The following CRACR2A variants were observed in gnomAD, a reference collection of about 807,000 sequenced individuals.
CRACR2A encodes the protein EF-hand calcium-binding domain-containing protein 4B.
In CRACR2A, 79 loss-of-function variants were observed where a neutral mutation model predicts 90.5. The observed-to-expected ratio is 0.87, with a 90% CI of 0.73 to 1.05. The LOEUF (loss-of-function observed/expected upper bound fraction) is 1.05, where lower values mean the gene tolerates loss of function less well. Among genes scored for constraint, CRACR2A ranks in the 50% least tolerant of loss-of-function variants. The probability of loss-of-function intolerance (pLI) is 0.00; values close to 1 mark genes in which losing one functional copy is unlikely to be tolerated. For synonymous variants in CRACR2A, 338 were observed against 356.7 expected (o/e 0.95, Z 0.59); for missense variants, 823 against 897.2 (o/e 0.92, Z 1.06).
intron 4 of CRACR2A, among the ~76,000 whole-genome samples, chr12:3,695,240 C>T (rs142985021): frequency 2.6e-5 from 4 of 152,172 alleles, no homozygotes; most frequent in Admixed American, 6.5e-5. Flanking sequence ...CACCAACCAC[C>T]GCTACTGCAG....
At chr12:3,738,629 A>ATTCT in intron 1 of CRACR2A, among the ~76,000 whole-genome samples, 1 of 152,312 alleles carries the variant, frequency 6.6e-6, no homozygotes, top group East Asian at 1.9e-4. Flanking sequence ...ATGAAAGAGA[A>ATTCT]CTTAAGAGAC....
intron 1 of CRACR2A, among the ~76,000 whole-genome samples, chr12:3,734,948 T>C (rs1456233939): frequency 6.6e-6 from 1 of 152,174 alleles, no homozygotes; most frequent in African/African-American, 2.4e-5. Context: ...AGAGATCTAA[T>C]GTACAGCATG....
chr12:3,735,113 C>A (rs911973120), intron 1 of CRACR2A, among the ~76,000 whole-genome samples: 1 of 152,086 alleles, frequency 6.6e-6, no homozygotes, highest in Admixed American at 6.5e-5. Flanking sequence ...TGTTAACCAA[C>A]TTGATTGGGC....
intron 1 of CRACR2A, among the ~76,000 whole-genome samples, chr12:3,750,025 C>T (rs992663897): frequency 6.6e-6 from 1 of 151,908 alleles, no homozygotes; most frequent in Non-Finnish European, 1.5e-5. Flanking sequence ...CAAACACCGC[C>T]TCCCGGGTTC....
At chr12:3,631,170 G>A (rs967827166) in intron 15 of CRACR2A, among the ~76,000 whole-genome samples, 1 of 152,288 alleles carries the variant, frequency 6.6e-6, no homozygotes, top group South Asian at 2.1e-4. Context: ...GCTGCTGCTC[G>A]AGCATGTGTG....
intron 17 of CRACR2A, among the ~76,000 whole-genome samples, chr12:3,622,819 C>T (rs1011013234): frequency 6.6e-6 from 1 of 152,096 alleles, no homozygotes; most frequent in African/African-American, 2.4e-5. Context: ...CATATTTATC[C>T]ATCCCCTGGA....
intron 14 of CRACR2A, among the ~76,000 whole-genome samples, chr12:3,637,591 G>T (rs1336965870): frequency 5.9e-5 from 9 of 151,732 alleles, no homozygotes; most frequent in Admixed American, 5.9e-4. Context: ...TCCTTATTTG[G>T]AAAGGGGACT....
chr12:3,668,949 C>T (rs1299630416), intron 7 of CRACR2A, among the ~76,000 whole-genome samples: 1 of 152,218 alleles, frequency 6.6e-6, no homozygotes, highest in East Asian at 1.9e-4. Context: ...CTAAGCTTGT[C>T]AAGGCCGATG....
intron 7 of CRACR2A, among the ~76,000 whole-genome samples, chr12:3,671,630 C>T (rs922258004): frequency 2.6e-5 from 4 of 152,230 alleles, no homozygotes; most frequent in Admixed American, 2.0e-4. Context: ...ACACTTTCAA[C>T]AGCAAGTCTC....
chr12:3,629,011 C>A (rs1025153755), intron 15 of CRACR2A, among the ~76,000 whole-genome samples: 1 of 152,140 alleles, frequency 6.6e-6, no homozygotes, highest in Non-Finnish European at 1.5e-5. Flanking sequence ...GGAGTGCAAT[C>A]GTCTGCGCTG....
chr12:3,703,362 G>A (rs1945863768), intron 3 of CRACR2A, among the ~76,000 whole-genome samples: 1 of 152,162 alleles, frequency 6.6e-6, no homozygotes, highest in East Asian at 1.9e-4. Context: ...TGGGATTACA[G>A]GCATGAGCCA....
chr12:3,704,990 G>A (rs1207413404), intron 3 of CRACR2A, among the ~76,000 whole-genome samples: 1 of 152,212 alleles, frequency 6.6e-6, no homozygotes, highest in Non-Finnish European at 1.5e-5. Flanking sequence ...CAAATAAAGT[G>A]GAAGCCCTGC....
In CRACR2A at chr12:3,627,653, G is replaced by GGGC; in HGVS notation, c.1788_1789insGCC (p.Leu596_Gln597insAla). 2.6e-6 allele frequency: 4 copies of GGGC among 1,551,794 alleles called. No individual in the cohort carries two copies. In the South Asian group the frequency reaches 4.8e-5, roughly 18 times the overall value. ...TCCTGCCCAGCCGTGTCCCACAGCT[G>GGGC]CAGGGCCACCTGAGAGTTGTCCACA... On this transcript the variant is annotated inframe_insertion, in exon 16 of 20. Transcript: ENST00000440314.
At chr12:3,722,939 C>T (rs898041562) in intron 2 of CRACR2A, among the ~76,000 whole-genome samples, 1 of 152,240 alleles carries the variant, frequency 6.6e-6, no homozygotes, top group Non-Finnish European at 1.5e-5. Context: ...TCCTTACCCT[C>T]TCTGAGCCTC....
At chr12:3,696,696 A>T in intron 4 of CRACR2A, 76 bp downstream of exon 4, 1 of 1,595,058 alleles carries the variant, frequency 6.3e-7, no homozygotes, top group Non-Finnish European at 8.6e-7. Context: ...GTCACCTCCC[A>T]CGGGGCAAGC....
chr12:3,619,311 TC>T lies in CRACR2A; in HGVS notation c.1993del (p.Glu665SerfsTer18). The T allele has an allele frequency of 6.4e-7, 1 of 1,551,642 alleles. No individual in the cohort carries two copies. The highest frequency in any genetic ancestry group is 8.7e-7 in the Non-Finnish European group (1 of 1,146,984). On this transcript the variant is annotated frameshift_variant, in exon 18 of 20. Transcript: ENST00000440314. LOFTEE classifies it high-confidence loss of function. The stretch of plus-strand genomic sequence containing the variant: ...TCCGAGGCCCCGGGGGACTTCCCGC[TC>T]CTTCTCGTTGTCAAGCTTATTACCC... ...LLGNKLDNEK[E>X]REVPRGLGEQ...
intron 13 of CRACR2A, chr12:3,640,640 AAG>A: frequency 7.7e-7 from 1 of 1,305,356 alleles, no homozygotes. Flanking sequence ...ATCAGGCCCA[AAG>A]GTTTTACTGA....
chr12:3,722,793 T>C (rs1340626364), intron 2 of CRACR2A, among the ~76,000 whole-genome samples: 2 of 152,164 alleles, frequency 1.3e-5, no homozygotes, highest in Admixed American at 1.3e-4. Flanking sequence ...GACACTTTCA[T>C]GAAAATGTTG....
At chr12:3,667,720 A>C (rs1483577219) in intron 7 of CRACR2A, among the ~76,000 whole-genome samples, 2 of 152,224 alleles carry the variant, frequency 1.3e-5, no homozygotes, top group Non-Finnish European at 2.9e-5. Context: ...ACAGCTAAGA[A>C]GCTCTCACTA....
Sources: allele counts gnomAD v4.1 joint callset (sites outside exome capture counted in the v4.1 genomes callset), GRCh38; gene constraint gnomAD v4.1.1; transcripts MANE v1.5; gene names NCBI Gene and HGNC (gene_info 2026-07-23, HGNC 2026-07-21).